The following UBE2D2 variants were observed in gnomAD, a reference collection of about 807,000 sequenced individuals.
UBE2D2 encodes ubiquitin conjugating enzyme E2 D2, also known as ubiquitin-conjugating enzyme E2 D2.
Under a neutral mutation model 24.2 loss-of-function variants are expected in UBE2D2, and 2 were observed. The observed-to-expected ratio is 0.08, with a 90% confidence interval of 0.03 to 0.26. UBE2D2 has a LOEUF of 0.26. Among genes scored for constraint, UBE2D2 ranks in the 10% least tolerant of loss-of-function variants. UBE2D2 has a pLI of 1.00. For missense variants in UBE2D2, 44 were observed against 177.6 expected, an observed-to-expected ratio of 0.25 and a Z score of 4.28; for synonymous variants, 58 against 56.5, an observed-to-expected ratio of 1.03 and a Z score of -0.12.
In UBE2D2 at chr5:139,573,711, T is replaced by C. The variant is rs1029740597; in HGVS notation, c.24+11896T>C. Among the ~76,000 whole-genome samples, 10 of 152,234 alleles carry C rather than the reference T, an allele frequency of 6.6e-5. No homozygotes were observed. The South Asian group carries it at 1.2e-3, about 19-fold the overall frequency. On this transcript the variant is annotated intron_variant, in intron 1 of 6. Coordinates refer to ENST00000398733, the MANE Select transcript of UBE2D2 (RefSeq NM_003339.3). Reference sequence around the variant, plus strand: ...TCGGCCGGGCGCAGTGGCTCAAGCTTGTAATCCCAGCACTTTGGGAGGCTG... The same window carrying C: ...TCGGCCGGGCGCAGTGGCTCAAGCTCGTAATCCCAGCACTTTGGGAGGCTG...
At chr5:139,546,813 TCTTTCTTCCTTCCTTCCTTCCTTCCTTC>T (rs1203241691) in intron 1 of UBE2D2, among the ~76,000 whole-genome samples, 1,822 of 128,336 alleles carry the variant, frequency 0.014, 18 homozygotes, top group South Asian at 0.046. Flanking sequence ...CTTTCTTCTT[TCTTTCTTCCTTCCTTCCTTCCTTCCTTC>T]CTTCCTTCCT....
intron 1 of UBE2D2, among the ~76,000 whole-genome samples, chr5:139,591,319 C>T (rs1581514910): frequency 6.6e-6 from 1 of 151,958 alleles, no homozygotes; most frequent in Middle Eastern, 3.4e-3. Context: ...AGGGTTTCTC[C>T]ATGCTGGTCA....
intron 6 of UBE2D2, among the ~76,000 whole-genome samples, chr5:139,625,440 C>CTTTT (rs35630520): frequency 1.7e-3 from 9 of 5,262 alleles, no homozygotes; most frequent in African/African-American, 5.8e-3. Flanking sequence ...ACCCCCCCCC[C>CTTTT]TTTTTTTTTT....
At chr5:139,568,236 C>G (rs1237801290) in intron 1 of UBE2D2, among the ~76,000 whole-genome samples, 2 of 151,842 alleles carry the variant, frequency 1.3e-5, no homozygotes, top group Non-Finnish European at 2.9e-5. Context: ...CCCAGCTACT[C>G]AGGAGGCTGA....
chr5:139,614,793 G>A lies in UBE2D2; in HGVS notation c.198+19G>A. ...ACCTAAGGTAATTAATTGGAATGTGGCAGTTTTTAATGTACTTTCTATAAT... is the reference window on the plus strand; with the variant it reads ...ACCTAAGGTAATTAATTGGAATGTGACAGTTTTTAATGTACTTTCTATAAT... On this transcript the variant is annotated intron_variant, in intron 4 of 6. Transcript: ENST00000398733. 1.2e-6 allele frequency: 2 copies of A among 1,613,092 alleles called. No homozygotes were observed. Among genetic ancestry groups the A allele is most frequent in the Non-Finnish European group, 1.7e-6 (2 of 1,179,272 alleles).
chr5:139,623,509 G>A (rs370342852), intron 6 of UBE2D2, 48 bp downstream of exon 6: 57 of 1,483,356 alleles, frequency 3.8e-5, no homozygotes, highest in East Asian at 9.2e-5. Flanking sequence ...GGATGGAGAT[G>A]TTTGTCACAA....
rs921390970 is a variant in UBE2D2, at chr5:139,535,709, G to A, written c.-64+9097G>A. ...TGCCCCTATCAAAGAGCATGAGGCA[G>A]GTTTCCATGTATTGACACAAAAGAT... On this transcript the variant is annotated intron_variant, in intron 1 of 6. Transcript: ENST00000511725. Among the ~76,000 whole-genome samples the A allele has an allele frequency of 3.7e-4, 56 of 152,264 alleles. 1 individual carries two copies. Among genetic ancestry groups the A allele is most frequent in the Admixed American group, 3.4e-3 (52 of 15,286 alleles).
chr5:139,553,509 T>C (rs1249662541), intron 1 of UBE2D2, among the ~76,000 whole-genome samples: 1 of 152,134 alleles, frequency 6.6e-6, no homozygotes, highest in African/African-American at 2.4e-5. Context: ...AATACTAAAA[T>C]GTTTGCAGCA....
At chr5:139,572,731 C>T (rs535802049) in intron 1 of UBE2D2, among the ~76,000 whole-genome samples, 6 of 151,632 alleles carry the variant, frequency 4.0e-5, no homozygotes, top group East Asian at 3.9e-4. Context: ...CTGCAACCTC[C>T]GCCTCTCAGG....
chr5:139,595,474 G>A (rs772002848), intron 1 of UBE2D2, among the ~76,000 whole-genome samples: 6 of 151,990 alleles, frequency 3.9e-5, no homozygotes, highest in Non-Finnish European at 8.8e-5. Flanking sequence ...TGCCTCCTGG[G>A]TTCAAGCGAT....
At chr5:139,552,509 CTTT>C (rs35945797) in intron 1 of UBE2D2, among the ~76,000 whole-genome samples, 5 of 124,230 alleles carry the variant, frequency 4.0e-5, no homozygotes, top group Admixed American at 1.6e-4. Flanking sequence ...TTTCTTTTTT[CTTT>C]TTTTTTTTTT....
At chr5:139,586,795 T>C (rs930810394) in intron 1 of UBE2D2, among the ~76,000 whole-genome samples, 5 of 152,196 alleles carry the variant, frequency 3.3e-5, no homozygotes, top group African/African-American at 1.2e-4. Flanking sequence ...TTAAAATGTC[T>C]ATAGTTTTTT....
intron 1 of UBE2D2, among the ~76,000 whole-genome samples, chr5:139,532,544 A>G (rs188488449): frequency 1.6e-3 from 247 of 151,880 alleles, no homozygotes; most frequent in African/African-American, 5.5e-3. Flanking sequence ...GTGGAGACGG[A>G]GTTTCACCAT....
Position 139,534,666 on chromosome 5 carries a change from G to A in UBE2D2, c.-64+8054G>A, listed in dbSNP as rs1011582500. Among the ~76,000 whole-genome samples the A allele has an allele frequency of 1.9e-4, 29 of 152,056 alleles. No homozygotes were observed. In the East Asian group the frequency reaches 1.9e-3, roughly 10 times the overall value. On this transcript the variant is annotated intron_variant, in intron 1 of 6. Transcript: ENST00000511725. Reference sequence around the variant, plus strand: ...CAGGAGAATCGCTTGAACCTGTGAGGCTGAGGTTGTGGTGAGCAGAGATCA... The same window carrying A: ...CAGGAGAATCGCTTGAACCTGTGAGACTGAGGTTGTGGTGAGCAGAGATCA...
upstream of UBE2D2, among the ~76,000 whole-genome samples, chr5:139,560,766 T>G (rs931159349): frequency 7.9e-5 from 12 of 152,186 alleles, no homozygotes; most frequent in Admixed American, 5.2e-4. Context: ...TACATGCCAG[T>G]GGCTGAGAAC....
Position 139,562,053 on chromosome 5 carries a change from C to T in UBE2D2, c.24+238C>T. 3.6e-6 allele frequency: 3 copies of T among 829,704 alleles called. No homozygotes were observed. In the South Asian group the frequency reaches 6.1e-5, roughly 17 times the overall value. 51.4% of individuals were successfully genotyped at this position (829,704 alleles called of 1,614,324 possible). A position where few individuals can be genotyped will look rare whatever the true frequency, so the allele number is the denominator to read the frequency against. The stretch of plus-strand genomic sequence containing the variant: ...CAGCGTTCCTCCCCGGCTGCCCTTC[C>T]AGGCCCGCATGGTGTGGACTCTTAG... On this transcript the variant is annotated intron_variant, in intron 1 of 6. Transcript: ENST00000398733.
At chr5:139,625,260 T>G (rs1754592978) in intron 6 of UBE2D2, among the ~76,000 whole-genome samples, 1 of 148,496 alleles carries the variant, frequency 6.7e-6, no homozygotes, top group African/African-American at 2.5e-5. Flanking sequence ...TACATGCCAC[T>G]ACACCTGGCT....
At chr5:139,577,886 C>T (rs1753513838) in intron 1 of UBE2D2, among the ~76,000 whole-genome samples, 1 of 152,312 alleles carries the variant, frequency 6.6e-6, no homozygotes, top group East Asian at 1.9e-4. Context: ...GTGTCAGTAA[C>T]CCAGCAAATA....
intron 1 of UBE2D2, among the ~76,000 whole-genome samples, chr5:139,570,297 A>G (rs1753322976): frequency 6.6e-6 from 1 of 151,856 alleles, no homozygotes; most frequent in African/African-American, 2.4e-5. Flanking sequence ...CAACAAAACA[A>G]CTATTGCAAA....
Sources: gnomAD v4.1 joint callset for allele counts (sites outside exome capture counted in the v4.1 genomes callset) on GRCh38, gnomAD v4.1.1 for gene constraint, MANE v1.5 for transcripts, NCBI Gene and HGNC (gene_info 2026-07-23, HGNC 2026-07-21) for gene names.